The following FHAD1 variants were observed in gnomAD, a reference collection of about 807,000 sequenced individuals.
The protein encoded by FHAD1 is forkhead-associated domain-containing protein 1.
Under a neutral mutation model 191.3 loss-of-function variants are expected in FHAD1, and 146 were observed. The ratio of observed to expected loss-of-function variants is 0.76; its 90% CI spans 0.67 to 0.88. The LOEUF (loss-of-function observed/expected upper bound fraction) is 0.88. Ranked by LOEUF, FHAD1 falls within the 40% of genes least tolerant of loss-of-function variation. FHAD1 has a pLI of 0.00. For synonymous variants in FHAD1, 616 were observed against 672.3 expected, an observed-to-expected ratio of 0.92 and a Z score of 1.29; for missense variants, 1,635 against 1,785.8, an observed-to-expected ratio of 0.92 and a Z score of 1.52.
intron 14 of FHAD1, chr1:15,334,648 TCA>T (rs1683238575): frequency 6.6e-6 from 1 of 152,248 alleles, no homozygotes; most frequent in African/African-American, 2.4e-5. Context: ...GCAGTGCTGG[TCA>T]CAGTTAGCTC....
chr1:15,303,387 ACT>A (rs1368099885), intron 6 of FHAD1, among the ~76,000 whole-genome samples: 1 of 151,864 alleles, frequency 6.6e-6, no homozygotes, highest in African/African-American at 2.4e-5. Flanking sequence ...TTTTTCAGTA[ACT>A]CTCCCATTTC....
At chr1:15,344,841 G>A (rs1688220748) in intron 16 of FHAD1, among the ~76,000 whole-genome samples, 1 of 152,176 alleles carries the variant, frequency 6.6e-6, no homozygotes. Flanking sequence ...GTACAGGCAG[G>A]GAAACTGAGG....
chr1:15,264,047 T>G (rs924962440), intron 2 of FHAD1, among the ~76,000 whole-genome samples: 1 of 152,214 alleles, frequency 6.6e-6, no homozygotes, highest in African/African-American at 2.4e-5. Flanking sequence ...TTTAATAACT[T>G]TTGAAACCAG....
At chr1:15,344,609 C>G (rs1166882244) in intron 16 of FHAD1, among the ~76,000 whole-genome samples, 3 of 152,222 alleles carry the variant, frequency 2.0e-5, no homozygotes, top group Non-Finnish European at 2.9e-5. Flanking sequence ...CCATAGTTTG[C>G]TAACCTCTGG....
intron 2 of FHAD1, among the ~76,000 whole-genome samples, chr1:15,269,684 C>T (rs12404105): frequency 0.61 from 92,448 of 152,052 alleles, 28,402 homozygotes; most frequent in East Asian, 0.83. Flanking sequence ...TGTTGATTGA[C>T]GGTGTTGTTC....
intron 1 of FHAD1, among the ~76,000 whole-genome samples, chr1:15,238,699 C>A (rs1357260515): frequency 6.6e-6 from 1 of 152,216 alleles, no homozygotes; most frequent in African/African-American, 2.4e-5. Context: ...CCAACTGTTT[C>A]TTTATAGGAT....
chr1:15,298,217 C>T (rs1667556931), intron 5 of FHAD1, among the ~76,000 whole-genome samples: 1 of 152,188 alleles, frequency 6.6e-6, no homozygotes, highest in African/African-American at 2.4e-5. Context: ...AATGAATTTA[C>T]AGCATTTGCA....
upstream of FHAD1, among the ~76,000 whole-genome samples, chr1:15,245,075 C>T (rs988367929): frequency 2.6e-5 from 4 of 152,120 alleles, no homozygotes; most frequent in African/African-American, 7.2e-5. Context: ...TAACAATCAG[C>T]TCTTTAGGAA....
intron 24 of FHAD1, 66 bp from the exon 25 acceptor site, chr1:15,367,397 G>A (rs1410180652): frequency 1.4e-5 from 21 of 1,510,884 alleles, no homozygotes; most frequent in Non-Finnish European, 1.9e-5. Flanking sequence ...ACAAGAGGCT[G>A]AGGCAGGAGA....
chr1:15,345,222 A>G, intron 17 of FHAD1, 32 bp downstream of exon 17: 2 of 1,524,304 alleles, frequency 1.3e-6, no homozygotes, highest in Non-Finnish European at 1.8e-6. Flanking sequence ...AGTCAGCTCG[A>G]GCCCCACTGC....
chr1:15,283,509 A>G (rs899095679), intron 3 of FHAD1, among the ~76,000 whole-genome samples: 3 of 152,222 alleles, frequency 2.0e-5, no homozygotes, highest in African/African-American at 7.2e-5. Context: ...AGTTTTAAGT[A>G]TTTATTACTG....
intron 12 of FHAD1, 85 bp from the exon 13 acceptor site, chr1:15,328,192 C>G: frequency 3.6e-6 from 4 of 1,122,842 alleles, no homozygotes; most frequent in Non-Finnish European, 4.9e-6. Flanking sequence ...GCATCTCTCC[C>G]CTCTCCCATT....
intron 1 of FHAD1, among the ~76,000 whole-genome samples, chr1:15,238,073 C>A (rs1644970639): frequency 6.6e-6 from 1 of 151,670 alleles, no homozygotes; most frequent in Non-Finnish European, 1.5e-5. Flanking sequence ...CTGGTAAAAC[C>A]CTGTCTCTAC....
At chr1:15,365,238 G>A (rs1454555820) in intron 23 of FHAD1, among the ~76,000 whole-genome samples, 1 of 152,210 alleles carries the variant, frequency 6.6e-6, no homozygotes, top group Non-Finnish European at 1.5e-5. Flanking sequence ...ATTCATGATG[G>A]TGGGTAGTGG....
At position 15,345,156 on chromosome 1, in the gene FHAD1, A is replaced by C. The variant is rs756981230; in HGVS notation, c.2204A>C (p.Gln735Pro). 6.4e-7 allele frequency: 1 copy of C among 1,551,812 alleles called. No individual in the cohort carries two copies. Among genetic ancestry groups the C allele is most frequent in the Middle Eastern group, 1.7e-4 (1 of 5,992 alleles). The change falls in exon 17 of 34, where the codon CAA (glutamine) becomes CCA (proline). Residue 735 changes from glutamine (Q) to proline (P), a missense_variant. By Grantham distance (76) the Gln-to-Pro change is moderately conservative. Transcript: ENST00000688493. Reference protein sequence around the residue: ...ETLEEERKRMQELESLLAQQK... With the variant: ...ETLEEERKRMPELESLLAQQK... ...TTAGAGGAAGAACGGAAGAGAATGC[A>C]AGAACTGGAGAGCCTCCTGGCCCAG...
intron 22 of FHAD1, among the ~76,000 whole-genome samples, chr1:15,362,377 G>C (rs552688701): frequency 6.6e-6 from 1 of 152,310 alleles, no homozygotes; most frequent in East Asian, 1.9e-4. Context: ...GTGGGTCGCC[G>C]GCAGCTTCCA....
In FHAD1 at chr1:15,289,274, C is replaced by T; in HGVS notation, c.301-125C>T. The T allele has an allele frequency of 7.5e-7, 1 of 1,324,738 alleles. No individual in the cohort carries two copies. 82.1% of individuals were successfully genotyped at this position (1,324,738 alleles called of 1,614,324 possible). ...AAGTGTTGGGATTATAGCTGTGTGC[C>T]ACCCTGCCCGACCGGAAGTGACTCA... is the stretch of plus-strand genomic sequence containing the variant. On this transcript the variant is annotated intron_variant, in intron 3 of 33. Coordinates refer to ENST00000688493, the MANE Select transcript of FHAD1 (RefSeq NM_001391957.1). This position sits in a 1 kb window ranked among gnomAD's most constrained non-coding sequence, Gnocchi z 4.2.
intron 10 of FHAD1, among the ~76,000 whole-genome samples, chr1:15,322,983 A>AAT (rs1676854723): frequency 1.3e-5 from 2 of 152,218 alleles, no homozygotes; most frequent in South Asian, 4.1e-4. Context: ...GTGGCAAGGG[A>AAT]AAAATAAGGA....
At chr1:15,257,793 G>C (rs745919467) in intron 2 of FHAD1, among the ~76,000 whole-genome samples, 4 of 152,094 alleles carry the variant, frequency 2.6e-5, no homozygotes, top group African/African-American at 7.2e-5. Flanking sequence ...TATCATCTTC[G>C]CCATTTTAAG....
Sources: gnomAD v4.1 joint callset for allele counts (sites outside exome capture counted in the v4.1 genomes callset) on GRCh38, gnomAD v4.1.1 for gene constraint, Gnocchi (gnomAD v3.1) non-coding constraint, MANE v1.5 for transcripts, NCBI Gene and HGNC (gene_info 2026-07-23, HGNC 2026-07-21) for gene names.